Variants in NF1 observed in about 807,000 individuals in gnomAD.
NF1 encodes neurofibromin 1, also known as neurofibromin.
Under a neutral mutation model 325.7 loss-of-function variants are expected in NF1, and 122 were observed. That is an observed-to-expected ratio of 0.37 (90% CI 0.32 to 0.44). The LOEUF (loss-of-function observed/expected upper bound fraction) is 0.44, where lower values mean the gene tolerates loss of function less well. Among genes scored for constraint, NF1 ranks in the 20% least tolerant of loss-of-function variants. The pLI, the probability that NF1 is intolerant of heterozygous loss-of-function variation, is 1.00. For missense variants in NF1, 2,140 were observed against 3,415.4 expected, an observed-to-expected ratio of 0.63 and a Z score of 9.31; for synonymous variants, 1,091 against 1,186.0, an observed-to-expected ratio of 0.92 and a Z score of 1.65.
chr17:31,190,037 C>T (rs1168096014), intron 8 of NF1, among the ~76,000 whole-genome samples: 1 of 139,610 alleles, frequency 7.2e-6, no homozygotes, highest in East Asian at 2.1e-4. Context: ...GCTGGGATTA[C>T]AGGCATGAGC....
chr17:31,327,305 T>A (rs536405707), intron 37 of NF1, among the ~76,000 whole-genome samples, 194 bp from the exon 38 acceptor site: 7 of 152,298 alleles, frequency 4.6e-5, no homozygotes, highest in Non-Finnish European at 1.0e-4. Context: ...AATTAAAAAA[T>A]TTTTAAATGT....
chr17:31,108,202 CTATCAAAAA>C (rs1913047580), intron 1 of NF1, among the ~76,000 whole-genome samples: 1 of 148,760 alleles, frequency 6.7e-6, no homozygotes, highest in Admixed American at 6.7e-5. Flanking sequence ...TACAGTATAC[CTATCAAAAA>C]TGTTAATTCA....
At chr17:31,207,766 C>T (rs2066649447) in intron 12 of NF1, among the ~76,000 whole-genome samples, 1 of 152,020 alleles carries the variant, frequency 6.6e-6, no homozygotes, top group Non-Finnish European at 1.5e-5. Flanking sequence ...TTTAAAACTA[C>T]TTGAAATAAG....
At chr17:31,191,538 A>G (rs539772856) in intron 8 of NF1, among the ~76,000 whole-genome samples, 43 of 152,314 alleles carry the variant, frequency 2.8e-4, no homozygotes, top group South Asian at 1.5e-3. Context: ...ATGACATACT[A>G]TATGATTTCT....
chr17:31,215,709 T>C (rs1294045465), intron 13 of NF1, among the ~76,000 whole-genome samples: 1 of 152,370 alleles, frequency 6.6e-6, no homozygotes, highest in African/African-American at 2.4e-5. Context: ...TTAACCTTTG[T>C]TGAGCTTCTT....
intron 33 of NF1, 46 bp from the exon 34 acceptor site, chr17:31,260,323 G>A (rs17881285): frequency 1.3e-6 from 2 of 1,584,990 alleles, no homozygotes; most frequent in South Asian, 1.1e-5. Flanking sequence ...ACATAAGTCT[G>A]GGTGTATCTG....
rs1060500315 is a variant in NF1 at position 31,233,188 on chromosome 17, C to T, written c.3683C>T (p.Ala1228Val). 1.2e-6 allele frequency: 2 copies of T among 1,614,078 alleles called. No homozygotes were observed. The highest frequency in any genetic ancestry group is 1.7e-6 in the Non-Finnish European group (2 of 1,179,998). The change falls in exon 27 of 58, where the codon GCC becomes GTC. Residue 1228 changes from alanine (A) to valine (V), a missense_variant. Physicochemically the swap from Ala to Val is moderately conservative, Grantham distance 64 (BLOSUM62 0). Coordinates refer to ENST00000358273, the MANE Select transcript of NF1 (RefSeq NM_001042492.3). ...GAACTCCCTATAGCGATGGCTCTGG[C>T]CAATGTGGTTCCTTGTTCTCAGTGG... ...QGELPIAMAL[A>V]NVVPCSQWDE...
intron 36 of NF1, among the ~76,000 whole-genome samples, chr17:31,274,420 T>C (rs1467415483): frequency 6.6e-6 from 1 of 152,182 alleles, no homozygotes; most frequent in Non-Finnish European, 1.5e-5. Flanking sequence ...GCAACATAAA[T>C]GGCAGAAGTA....
chr17:31,126,272 A>T (rs186049266), intron 1 of NF1, among the ~76,000 whole-genome samples: 197 of 152,312 alleles, frequency 1.3e-3, no homozygotes, highest in Non-Finnish European at 2.2e-3. Flanking sequence ...CTTGACTACC[A>T]ATGAGGTTTA....
At position 31,229,440 on chromosome 17, in the gene NF1, G is replaced by C. The variant is rs1555614350; in HGVS notation, c.2825G>C (p.Ser942Thr). ...TTTAACAAATTGAAGAATACCATCA[G>C]CAAGTTTTTTGACTCCCAAGGACAG... ...MLFNKLKNTI[S>T]KFFDSQGQVL... The change falls in exon 21 of 58, where the codon AGC (serine) becomes ACC (threonine). Residue 942 changes from serine (S) to threonine (T), a missense_variant. By Grantham distance (58) the Ser-to-Thr change is moderately conservative (BLOSUM62 1). Coordinates refer to ENST00000358273, the MANE Select transcript of NF1 (RefSeq NM_001042492.3). The C allele has an allele frequency of 6.2e-7, 1 of 1,613,818 alleles. No homozygotes were observed.
intron 20 of NF1, 75 bp downstream of exon 20, chr17:31,227,681 A>G (rs956196650): frequency 5.4e-6 from 7 of 1,291,380 alleles, no homozygotes; most frequent in East Asian, 2.4e-5. Context: ...TAATCTTTCA[A>G]GAGTCGCTCA....
At position 31,340,641 on chromosome 17, in the gene NF1, A is replaced by G. The variant is rs9891398; in HGVS notation, c.7058A>G (p.Asp2353Gly). The G allele has an allele frequency of 6.2e-7, 1 of 1,614,114 alleles. No individual in the cohort carries two copies. Among genetic ancestry groups the G allele is most frequent in the Non-Finnish European group, 8.5e-7 (1 of 1,179,988 alleles). The change falls in exon 47 of 58, where the codon GAC (aspartate) becomes GGC (glycine). Residue 2353 changes from aspartate (D) to glycine (G), a missense_variant. Asp to Gly is a moderately conservative substitution (Grantham distance 94). This residue lies in a region of NF1 where 522 missense variants were observed against 749.0 expected (regional missense o/e 0.70). Transcript: ENST00000358273. Reference sequence around the variant, plus strand: ...TTAGATAGTCTCCGTATATTCAATGACAAGGTAAGCAAACTTTGCCTTGAG... The same window carrying G: ...TTAGATAGTCTCCGTATATTCAATGGCAAGGTAAGCAAACTTTGCCTTGAG... ...HTLDSLRIFN[D>G]KSPEEVFMAI...
intron 8 of NF1, among the ~76,000 whole-genome samples, chr17:31,185,098 G>C (rs921495305): frequency 1.3e-5 from 2 of 152,164 alleles, no homozygotes; most frequent in African/African-American, 4.8e-5. Context: ...TGTCTGAAGA[G>C]ATAAACCCTG....
rs1185092258 is a variant in NF1 at position 31,206,385 on chromosome 17, C to T, written c.1392+14C>T. 12 of 1,613,104 alleles carry T rather than the reference C, an allele frequency of 7.4e-6. 1 individual carries two copies. The highest frequency in any genetic ancestry group is 4.4e-5 in the South Asian group (4 of 91,064). On this transcript the variant is annotated intron_variant, in intron 12 of 57. Coordinates refer to ENST00000358273, the MANE Select transcript of NF1 (RefSeq NM_001042492.3). ...CGAATGGCACCGGTAAGATAAATCA[C>T]GAATTTTGAATCTCACCTCCTTTCT...
intron 29 of NF1, among the ~76,000 whole-genome samples, chr17:31,241,700 A>G (rs917076874): frequency 6.6e-6 from 1 of 152,204 alleles, no homozygotes; most frequent in Non-Finnish European, 1.5e-5. Flanking sequence ...GTTTTTATGT[A>G]TACCTTATTA....
intron 36 of NF1, chr17:31,304,698 G>A (rs745315737): frequency 6.2e-7 from 1 of 1,614,048 alleles, no homozygotes; most frequent in Non-Finnish European, 8.5e-7. Context: ...TCTCTGTTTT[G>A]GGGTTGTTGG....
At chr17:31,159,503 A>G (rs983426048) in intron 3 of NF1, among the ~76,000 whole-genome samples, 1 of 152,318 alleles carries the variant, frequency 6.6e-6, no homozygotes, top group Admixed American at 6.5e-5. Flanking sequence ...AAATTTATGT[A>G]AATGAGAACT....
At chr17:31,139,935 C>A (rs1333836552) in intron 1 of NF1, among the ~76,000 whole-genome samples, 2 of 152,206 alleles carry the variant, frequency 1.3e-5, no homozygotes, top group Non-Finnish European at 2.9e-5. Flanking sequence ...GGAGAGACCA[C>A]TTGTTCTTGG....
chr17:31,294,105 C>G (rs961086916), intron 36 of NF1, among the ~76,000 whole-genome samples: 3 of 152,098 alleles, frequency 2.0e-5, no homozygotes, highest in African/African-American at 4.8e-5. Flanking sequence ...TGATTTTATT[C>G]TTAAGCTAAT....
Sources: allele counts gnomAD v4.1 joint callset (sites outside exome capture counted in the v4.1 genomes callset), GRCh38; gene constraint gnomAD v4.1.1; regional missense constraint gnomAD v4.1.1; transcripts MANE v1.5; gene names NCBI Gene and HGNC (gene_info 2026-07-23, HGNC 2026-07-21).